The following DCAF6 variants were observed in gnomAD, a reference collection of about 807,000 sequenced individuals.
The protein encoded by DCAF6 is DDB1 and CUL4 associated factor 6, also known as DDB1- and CUL4-associated factor 6.
DCAF6 carries 54 observed loss-of-function variants against 125.1 expected under a neutral mutation model. The ratio of observed to expected loss-of-function variants is 0.43; its 90% CI spans 0.35 to 0.54. The LOEUF (loss-of-function observed/expected upper bound fraction) is 0.54, where lower values mean the gene tolerates loss of function less well. Among genes scored for constraint, DCAF6 ranks in the 20% least tolerant of loss-of-function variants. The pLI is 0.01. For synonymous variants in DCAF6, 371 were observed against 390.4 expected, an observed-to-expected ratio of 0.95 and a Z score of 0.58; for missense variants, 934 against 1,161.7, an observed-to-expected ratio of 0.80 and a Z score of 2.85.
intron 3 of DCAF6, among the ~76,000 whole-genome samples, chr1:167,971,504 A>G (rs1677294588): frequency 6.6e-6 from 1 of 152,154 alleles, no homozygotes; most frequent in Non-Finnish European, 1.5e-5. Context: ...GTTTTTACCA[A>G]GGGATTAAAA....
At chr1:167,878,915 A>T in the DCAF6 span, among the ~76,000 whole-genome samples, 2 of 152,210 alleles carry the variant, frequency 1.3e-5, no homozygotes, top group South Asian at 2.1e-4. Flanking sequence ...CAGGCTCTGT[A>T]AGTGGGATGG....
intron 1 of DCAF6, among the ~76,000 whole-genome samples, chr1:167,948,467 C>G (rs1673427497): frequency 6.6e-6 from 1 of 152,094 alleles, no homozygotes; most frequent in Non-Finnish European, 1.5e-5. Context: ...TAAACCTAAT[C>G]CAACATTTCT....
chr1:167,889,142 C>T, the DCAF6 span, among the ~76,000 whole-genome samples: 1 of 152,050 alleles, frequency 6.6e-6, no homozygotes, highest in African/African-American at 2.4e-5. Flanking sequence ...AGTGGGCATC[C>T]TTGTGTTCTA....
At chr1:168,022,916 A>C in intron 11 of DCAF6, 72 bp from the exon 12 acceptor site, 6 of 1,360,634 alleles carry the variant, frequency 4.4e-6, no homozygotes, top group Non-Finnish European at 6.3e-6. Flanking sequence ...TCTTAAGCTT[A>C]GAGATGATCA....
At chr1:167,925,639 C>T in the DCAF6 span, among the ~76,000 whole-genome samples, 3 of 150,372 alleles carry the variant, frequency 2.0e-5, no homozygotes, top group Non-Finnish European at 4.4e-5. Context: ...CTCCACCTCC[C>T]GGGTTCAAGT....
chr1:168,014,319 C>G (rs1363752443), intron 10 of DCAF6, among the ~76,000 whole-genome samples: 1 of 152,134 alleles, frequency 6.6e-6, no homozygotes, highest in Non-Finnish European at 1.5e-5. Flanking sequence ...TTACTCCATC[C>G]TTTTTGATAC....
intron 2 of DCAF6, among the ~76,000 whole-genome samples, chr1:167,954,454 TA>T (rs1283869927): frequency 1.3e-5 from 2 of 152,128 alleles, no homozygotes; most frequent in East Asian, 3.9e-4. Flanking sequence ...TTTATTTTTT[TA>T]TTTTTTTATT....
intron 3 of DCAF6, among the ~76,000 whole-genome samples, chr1:167,969,708 A>G (rs1677005742): frequency 6.6e-6 from 1 of 152,180 alleles, no homozygotes; most frequent in Non-Finnish European, 1.5e-5. Context: ...CTTAGCAAAA[A>G]AAGCTTGATG....
chr1:168,007,182 T>C (rs901996841), intron 10 of DCAF6, among the ~76,000 whole-genome samples: 2 of 152,344 alleles, frequency 1.3e-5, no homozygotes, highest in Non-Finnish European at 2.9e-5. Flanking sequence ...CACATTGTGA[T>C]AGAAGCAGAA....
intron 21 of DCAF6, among the ~76,000 whole-genome samples, chr1:168,073,035 G>T (rs746399810): frequency 1.2e-4 from 18 of 152,244 alleles, no homozygotes; most frequent in Non-Finnish European, 2.1e-4. Flanking sequence ...AATCAGCCGG[G>T]TGTGGTGGCA....
At chr1:168,048,116 TTC>T (rs1258850234) in intron 16 of DCAF6, among the ~76,000 whole-genome samples, 1 of 152,124 alleles carries the variant, frequency 6.6e-6, no homozygotes, top group Non-Finnish European at 1.5e-5. Flanking sequence ...TTTGGAGAGT[TTC>T]TGTTTCCCAA....
rs540180079 is a variant in DCAF6, at chr1:167,938,961, C to G, written c.97+1953C>G. Among the ~76,000 whole-genome samples, 5 of 152,198 alleles carry G rather than the reference C, an allele frequency of 3.3e-5. No homozygotes were observed. The South Asian group carries it at 1.0e-3, about 32-fold the overall frequency. ...TTTTTCAAATGTGTATGTATACATACAGGGAGTTCTTTATCTTAAATAATA... is the reference window on the plus strand; with the variant it reads ...TTTTTCAAATGTGTATGTATACATAGAGGGAGTTCTTTATCTTAAATAATA... On this transcript the variant is annotated intron_variant, in intron 1 of 21. Coordinates refer to ENST00000367840, the MANE Select transcript of DCAF6 (RefSeq NM_001198956.2).
At chr1:167,957,156 G>A (rs1324184548) in intron 2 of DCAF6, among the ~76,000 whole-genome samples, 3 of 151,916 alleles carry the variant, frequency 2.0e-5, no homozygotes, top group Admixed American at 6.6e-5. Flanking sequence ...CATCTTAAGT[G>A]TTCAATTCGG....
chr1:167,937,963 T>A (rs1423119475), intron 1 of DCAF6, among the ~76,000 whole-genome samples: 1 of 152,220 alleles, frequency 6.6e-6, no homozygotes, highest in African/African-American at 2.4e-5. Flanking sequence ...CTCATTTGTT[T>A]TTGATTTCAA....
chr1:168,065,712 G>C lies in DCAF6; in HGVS notation c.2562G>C (p.Val854=). 2 of 1,612,592 alleles carry C rather than the reference G, an allele frequency of 1.2e-6. No homozygotes were observed. The highest frequency in any genetic ancestry group is 1.7e-6 in the Non-Finnish European group (2 of 1,179,174). Residue 854 remains valine, a synonymous_variant, in exon 19 of 22, where the codon GTG becomes GTC. Coordinates refer to ENST00000367840, the MANE Select transcript of DCAF6 (RefSeq NM_001198956.2). ...HLMLLEADNH[V]VNCLQPHPFD... ...TGCTTCTGGAAGCTGATAATCATGTGGTAAACTGCCTGCAGCCACATCCGT... is the reference window on the plus strand; with the variant it reads ...TGCTTCTGGAAGCTGATAATCATGTCGTAAACTGCCTGCAGCCACATCCGT...
At chr1:168,053,573 G>C (rs1412840450) in intron 17 of DCAF6, among the ~76,000 whole-genome samples, 1 of 152,196 alleles carries the variant, frequency 6.6e-6, no homozygotes, top group Non-Finnish European at 1.5e-5. Flanking sequence ...GAAGAATCCA[G>C]GCTCAGTGTT....
the DCAF6 span, chr1:167,918,252 A>G: frequency 2.4e-6 from 3 of 1,267,712 alleles, no homozygotes; most frequent in Non-Finnish European, 3.3e-6. Flanking sequence ...TGCTTTATCA[A>G]TAACCAAATA....
intron 12 of DCAF6, among the ~76,000 whole-genome samples, chr1:168,030,971 C>T (rs536574189): frequency 2.6e-4 from 39 of 152,040 alleles, no homozygotes; most frequent in African/African-American, 8.4e-4. Flanking sequence ...TGGGCGGGGA[C>T]GTGTAGGGGT....
chr1:167,926,705 C>A, the DCAF6 span, among the ~76,000 whole-genome samples: 1 of 152,122 alleles, frequency 6.6e-6, no homozygotes, highest in Non-Finnish European at 1.5e-5. Flanking sequence ...GCAGGACAGC[C>A]GCTCCCAGAA....
Sources: allele counts gnomAD v4.1 joint callset (sites outside exome capture counted in the v4.1 genomes callset), GRCh38; gene constraint gnomAD v4.1.1; transcripts MANE v1.5; gene names NCBI Gene and HGNC (gene_info 2026-07-23, HGNC 2026-07-21).